Variants in COBL observed in about 807,000 individuals in gnomAD.
COBL encodes protein cordon-bleu.
A neutral mutation model predicts 98.8 loss-of-function variants in COBL; 51 were observed. The observed-to-expected ratio is 0.52, with a 90% confidence interval of 0.41 to 0.65. The LOEUF is 0.65. Ranked by LOEUF, COBL falls within the 30% of genes least tolerant of loss-of-function variation. The pLI is 0.00. For synonymous variants in COBL, 634 were observed against 651.7 expected, an observed-to-expected ratio of 0.97 and a Z score of 0.41; for missense variants, 1,617 against 1,617.5, an observed-to-expected ratio of 1.00 and a Z score of 0.01.
intron 1 of COBL, among the ~76,000 whole-genome samples, chr7:51,303,449 G>C (rs1299753005): frequency 6.6e-6 from 1 of 152,144 alleles, no homozygotes; most frequent in African/African-American, 2.4e-5. Flanking sequence ...TGCATGCAGA[G>C]ACGGCCACTG....
intron 7 of COBL, chr7:51,071,182 A>G (rs896634892): frequency 2.0e-5 from 3 of 152,202 alleles, no homozygotes; most frequent in Admixed American, 6.5e-5. Context: ...GATGGAAAAA[A>G]GAAACAGACA....
chr7:51,234,682 C>T lies in COBL; in HGVS notation c.42-14738G>A, dbSNP rs118035901. On this transcript the variant is annotated intron_variant, in intron 1 of 12. Coordinates refer to ENST00000265136, the MANE Select transcript of COBL (RefSeq NM_015198.5). ...CACCACTCCACTCTAGCCTGGGTGA[C>T]AGATCAAGGCCCTGTTTCAGAAAAA... is the stretch of plus-strand genomic sequence containing the variant. Among the ~76,000 whole-genome samples the T allele has an allele frequency of 8.2e-3, 1,064 of 129,088 alleles. 4 individuals carry two copies. The highest frequency in any genetic ancestry group is 0.018 in the Middle Eastern group (4 of 222). The allele number at this position is 129,088 out of a possible 152,430, so 84.7% of individuals were successfully genotyped here.
chr7:51,206,078 A>G (rs1432728623), intron 2 of COBL, among the ~76,000 whole-genome samples: 4 of 152,238 alleles, frequency 2.6e-5, no homozygotes, highest in African/African-American at 4.8e-5. Context: ...AAAACCTTGA[A>G]CATTGCTGGC....
rs540517282 is a variant in COBL at position 51,067,116 on chromosome 7, G to A, written c.1096+18050C>T. Among the ~76,000 whole-genome samples the A allele has an allele frequency of 5.9e-5, 9 of 152,302 alleles. No individual in the cohort carries two copies. The East Asian group carries it at 1.7e-3, about 29-fold the overall frequency. Reference sequence around the variant, plus strand: ...CAGGCTCAGAGATATATTGTGTGTGGGGTGGCGTGGGGGTGGGGAAGCATA... The same window carrying A: ...CAGGCTCAGAGATATATTGTGTGTGAGGTGGCGTGGGGGTGGGGAAGCATA... On this transcript the variant is annotated intron_variant, in intron 7 of 12. Transcript: ENST00000265136.
intron 8 of COBL, among the ~76,000 whole-genome samples, chr7:51,038,664 C>T (rs1436409165): frequency 6.6e-6 from 1 of 152,222 alleles, no homozygotes; most frequent in African/African-American, 2.4e-5. Context: ...ATAGAAGACA[C>T]CACCTTGGCC....
chr7:51,289,235 T>C (rs1800669610), intron 1 of COBL, among the ~76,000 whole-genome samples: 1 of 152,248 alleles, frequency 6.6e-6, no homozygotes, highest in Admixed American at 6.5e-5. Context: ...GTCTATCATT[T>C]GATTATTTTG....
intron 6 of COBL, among the ~76,000 whole-genome samples, chr7:51,108,887 G>A (rs952298536): frequency 1.4e-5 from 2 of 143,770 alleles, no homozygotes; most frequent in African/African-American, 5.1e-5. Context: ...TCATGGAGCC[G>A]TCACACAAAG....
At chr7:51,210,885 C>T (rs567910495) in intron 2 of COBL, among the ~76,000 whole-genome samples, 12 of 152,296 alleles carry the variant, frequency 7.9e-5, no homozygotes, top group Admixed American at 3.9e-4. Flanking sequence ...TTTCTAGCCT[C>T]CTTTGATGCT....
chr7:51,226,547 T>TG (rs71021760), intron 1 of COBL, among the ~76,000 whole-genome samples: 30 of 148,992 alleles, frequency 2.0e-4, no homozygotes, highest in East Asian at 4.4e-4. Context: ...AGTGAGTGAG[T>TG]AAGTGAGTGA....
chr7:51,043,346 G>T, intron 8 of COBL, 37 bp downstream of exon 8: 2 of 1,588,782 alleles, frequency 1.3e-6, no homozygotes, highest in Non-Finnish European at 1.7e-6. Context: ...AGATGTGGCT[G>T]TGACTTCCGT....
intron 1 of COBL, among the ~76,000 whole-genome samples, chr7:51,300,152 GTT>G (rs539150123): frequency 0.015 from 2,255 of 150,970 alleles, 44 homozygotes; most frequent in African/African-American, 0.051. Flanking sequence ...GTTTTGTTTT[GTT>G]TTGTTTTGTT....
chr7:51,069,523 T>A (rs1792299158), intron 7 of COBL, among the ~76,000 whole-genome samples: 1 of 152,244 alleles, frequency 6.6e-6, no homozygotes, highest in African/African-American at 2.4e-5. Context: ...TGCTCAAGGC[T>A]TACTTGAAGG....
At chr7:51,108,789 C>T (rs976207657) in intron 6 of COBL, among the ~76,000 whole-genome samples, 7 of 152,126 alleles carry the variant, frequency 4.6e-5, no homozygotes, top group African/African-American at 1.2e-4. Context: ...CTCCCTGGGG[C>T]GCTGGAGCCA....
chr7:51,080,590 G>A (rs968753286), intron 7 of COBL, among the ~76,000 whole-genome samples: 11 of 152,332 alleles, frequency 7.2e-5, no homozygotes, highest in African/African-American at 2.4e-4. Context: ...GCTTCTGTGA[G>A]ATGCCTGGTG....
intron 5 of COBL, among the ~76,000 whole-genome samples, chr7:51,156,095 C>A (rs990920751): frequency 6.6e-6 from 1 of 152,086 alleles, no homozygotes; most frequent in African/African-American, 2.4e-5. Flanking sequence ...CGACATAGAA[C>A]AGAAATTCAT....
chr7:51,198,088 T>TCAA (rs1790762659), intron 2 of COBL, among the ~76,000 whole-genome samples: 1 of 152,194 alleles, frequency 6.6e-6, no homozygotes, highest in Non-Finnish European at 1.5e-5. Context: ...CAGACTTGTT[T>TCAA]AGTGGTTGCT....
intron 6 of COBL, among the ~76,000 whole-genome samples, chr7:51,101,252 T>C (rs1235167253): frequency 6.6e-6 from 1 of 152,194 alleles, no homozygotes; most frequent in Non-Finnish European, 1.5e-5. Context: ...TAATGGGAGT[T>C]TGTGTTAGTT....
At position 51,061,314 on chromosome 7, in the gene COBL, C is replaced by T. The variant is rs115082108; in HGVS notation, c.1097-17622G>A. On this transcript the variant is annotated intron_variant, in intron 7 of 12. Transcript: ENST00000265136. ...CCTTATTCCCTTAACATGGGACATA[C>T]GCGACTTCCATAGCAGTGTCTAATT... Among the ~76,000 whole-genome samples, 535 of 152,082 alleles carry T rather than the reference C, an allele frequency of 3.5e-3. 1 individual carries two copies. Among genetic ancestry groups the T allele is most frequent in the African/African-American group, 0.012 (507 of 41,446 alleles).
At chr7:51,259,327 C>A in intron 1 of COBL, 1 of 210,500 alleles carries the variant, frequency 4.8e-6, no homozygotes, top group Non-Finnish European at 9.4e-6. Context: ...CTCACGGTTA[C>A]TAATAGGAAT....
Sources: allele counts gnomAD v4.1 joint callset (sites outside exome capture counted in the v4.1 genomes callset), GRCh38; gene constraint gnomAD v4.1.1; transcripts MANE v1.5; gene names NCBI Gene and HGNC (gene_info 2026-07-23, HGNC 2026-07-21).